Variants in MLC1 observed in about 807,000 individuals in gnomAD.
MLC1 encodes membrane protein MLC1.
Under a neutral mutation model 44.7 loss-of-function variants are expected in MLC1, and 32 were observed. The observed-to-expected ratio is 0.72, with a 90% CI of 0.54 to 0.96. The LOEUF (loss-of-function observed/expected upper bound fraction) is 0.96, where lower values mean the gene tolerates loss of function less well. MLC1 is among the 40% of genes least tolerant of loss of function. The pLI is 0.00. For missense variants in MLC1, 459 were observed against 492.2 expected, an observed-to-expected ratio of 0.93 and a Z score of 0.64; for synonymous variants, 190 against 213.0, an observed-to-expected ratio of 0.89 and a Z score of 0.94.
chr22:50,068,225 A>T lies in MLC1; in HGVS notation c.894+208T>A, dbSNP rs557037555. Among the ~76,000 whole-genome samples, 8 of 152,324 alleles carry T rather than the reference A, an allele frequency of 5.3e-5. No individual in the cohort carries two copies. In the East Asian group the frequency reaches 1.5e-3, roughly 29 times the overall value. ...CCTGTGAAGCAGGTGGTGGCCCCAGATACAGGGCGGAATCGAGGCCCCGAG... is the reference window on the plus strand; with the variant it reads ...CCTGTGAAGCAGGTGGTGGCCCCAGTTACAGGGCGGAATCGAGGCCCCGAG... On this transcript the variant is annotated intron_variant, in intron 10 of 11. Transcript: ENST00000311597.
intron 8 of MLC1, 115 bp from the exon 9 acceptor site, chr22:50,070,698 T>G: frequency 8.6e-7 from 1 of 1,168,136 alleles, no homozygotes; most frequent in South Asian, 1.3e-5. Context: ...TGGCTTGCTG[T>G]GGGGGGCAGG....
At chr22:50,073,383 G>A (rs944666748) in intron 8 of MLC1, among the ~76,000 whole-genome samples, 1 of 152,242 alleles carries the variant, frequency 6.6e-6, no homozygotes, top group Non-Finnish European at 1.5e-5. Flanking sequence ...GGAGGCAGGT[G>A]GGTGGTGGCT....
intron 11 of MLC1, among the ~76,000 whole-genome samples, chr22:50,062,533 G>T (rs2061593555): frequency 6.6e-6 from 1 of 152,262 alleles, no homozygotes; most frequent in Admixed American, 6.5e-5. Flanking sequence ...ACAGCAGTAG[G>T]GAGGGTGGAG....
intron 10 of MLC1, among the ~76,000 whole-genome samples, chr22:50,067,253 A>T (rs1421336417): frequency 6.6e-6 from 1 of 152,030 alleles, no homozygotes; most frequent in Non-Finnish European, 1.5e-5. Context: ...TGGGAGGCCG[A>T]GGACGCTATC....
At position 50,068,553 on chromosome 22, in the gene MLC1, C is replaced by T. The variant is rs1299673400; in HGVS notation, c.774G>A (p.Val258=). Residue 258 remains valine (V), a splice_region_variant and synonymous_variant, in exon 10 of 12, where the codon GTG becomes GTA. Transcript: ENST00000311597. ...GGCTGCTTATGGCAATCAGGACCTC[C>T]ACCTGGAAAAAAAGCGCGGGTTGCA... The part of the protein sequence containing the change: ...VAAECPSKCL[V]EVLIAISSLT... 5 of 1,612,208 alleles carry T rather than the reference C, an allele frequency of 3.1e-6. No homozygotes were observed. The highest frequency in any genetic ancestry group is 4.2e-6 in the Non-Finnish European group (5 of 1,179,000).
rs116623636 is a variant in MLC1 at position 50,062,046 on chromosome 22, G to A, written c.1060-389C>T. Among the ~76,000 whole-genome samples, 1,284 of 152,086 alleles carry A rather than the reference G, an allele frequency of 8.4e-3. 14 individuals carry two copies. Among genetic ancestry groups the A allele is most frequent in the African/African-American group, 0.03 (1,226 of 41,428 alleles). ...GCCTCCAGGCAAAAGGGAGGACAGC[G>A]CCAGCCCCAGCTGTCCACCCTGAGC... On this transcript the variant is annotated intron_variant, in intron 11 of 11. Transcript: ENST00000311597.
chr22:50,067,430 T>TCAGGCAGTGACTCCATCCCCC (rs2061729011), intron 10 of MLC1, among the ~76,000 whole-genome samples: 1 of 50,440 alleles, frequency 2.0e-5, no homozygotes, highest in Non-Finnish European at 3.7e-5. Context: ...CTCTATCCCC[T>TCAGGCAGTGACTCCATCCCCC]GTCAGGCAGT....
At chr22:50,071,754 C>T (rs1301788241) in intron 8 of MLC1, among the ~76,000 whole-genome samples, 1 of 152,228 alleles carries the variant, frequency 6.6e-6, no homozygotes, top group Non-Finnish European at 1.5e-5. Flanking sequence ...CCTTTTCCCA[C>T]TTATTGTGAG....
intron 5 of MLC1, among the ~76,000 whole-genome samples, chr22:50,078,100 T>C (rs2062028057): frequency 6.6e-6 from 1 of 151,692 alleles, no homozygotes. Flanking sequence ...CAAATGATTG[T>C]CCTGCCTCAG....
intron 5 of MLC1, among the ~76,000 whole-genome samples, chr22:50,079,125 A>T (rs1216201728): frequency 6.6e-6 from 1 of 151,980 alleles, no homozygotes; most frequent in African/African-American, 2.4e-5. Context: ...CTGTACTAAA[A>T]ATACAAAAAT....
chr22:50,065,353 T>C (rs1016187173), intron 10 of MLC1, among the ~76,000 whole-genome samples: 5 of 150,716 alleles, frequency 3.3e-5, no homozygotes, highest in Non-Finnish European at 7.4e-5. Flanking sequence ...GCAAAGCCTA[T>C]GCTTTCCTCA....
chr22:50,081,123 CAG>C (rs753555155), intron 3 of MLC1, among the ~76,000 whole-genome samples: 12 of 151,792 alleles, frequency 7.9e-5, no homozygotes, highest in Admixed American at 1.3e-4. Flanking sequence ...GCGGGTGGAT[CAG>C]AGTCAGGAGT....
chr22:50,080,339 C>A lies in MLC1; in HGVS notation c.321+5G>T. On this transcript the variant is annotated splice_donor_5th_base_variant and intron_variant, in intron 4 of 11. Transcript: ENST00000311597. Reference sequence around the variant, plus strand: ...TGGCAGAGGCTGCCTGCAAGCTAGACTCACCACATTGGCGTTCCTCCTGGA... The same window carrying A: ...TGGCAGAGGCTGCCTGCAAGCTAGAATCACCACATTGGCGTTCCTCCTGGA... 1 of 1,606,142 alleles carries A rather than the reference C, an allele frequency of 6.2e-7. No homozygotes were observed.
chr22:50,082,926 A>G (rs1466957733), intron 3 of MLC1, among the ~76,000 whole-genome samples, 158 bp downstream of exon 3: 3 of 152,138 alleles, frequency 2.0e-5, no homozygotes, highest in Non-Finnish European at 4.4e-5. Flanking sequence ...CCACCCCTCA[A>G]AGTGCTGGCA....
At chr22:50,082,627 G>A (rs1415127952) in intron 3 of MLC1, among the ~76,000 whole-genome samples, 1 of 152,196 alleles carries the variant, frequency 6.6e-6, no homozygotes, top group African/African-American at 2.4e-5. Flanking sequence ...TGAACTCTAC[G>A]TGAAACTAAA....
intron 9 of MLC1, among the ~76,000 whole-genome samples, chr22:50,068,871 C>T (rs1230342458): frequency 9.2e-5 from 14 of 151,946 alleles, no homozygotes; most frequent in East Asian, 3.9e-4. Flanking sequence ...GGATTACAGG[C>T]GCCCGCCACC....
chr22:50,074,198 G>T lies in MLC1; in HGVS notation c.714+18C>A, dbSNP rs1386613358. On this transcript the variant is annotated intron_variant, in intron 8 of 11. Transcript: ENST00000311597. ...TGTGGCCCAGAGCGGCGGCGGGCGG[G>T]CCAGAGGGGTTACTCACGGCCACTA... is the stretch of plus-strand genomic sequence containing the variant. 1 of 1,601,030 alleles carries T rather than the reference G, an allele frequency of 6.2e-7. No individual in the cohort carries two copies.
intron 5 of MLC1, among the ~76,000 whole-genome samples, chr22:50,078,507 G>A (rs2062037774): frequency 6.6e-6 from 1 of 151,704 alleles, no homozygotes; most frequent in Non-Finnish European, 1.5e-5. Flanking sequence ...GGGGGACCGA[G>A]GCGGTTGGAT....
Position 50,062,922 on chromosome 22 carries a change from G to A in MLC1, c.1059+1112C>T, listed in dbSNP as rs187101924. Among the ~76,000 whole-genome samples, 227 of 152,320 alleles carry A rather than the reference G, an allele frequency of 1.5e-3. 1 individual carries two copies. Among genetic ancestry groups the A allele is most frequent in the African/African-American group, 5.2e-3 (216 of 41,572 alleles). On this transcript the variant is annotated intron_variant, in intron 11 of 11. Coordinates refer to ENST00000311597, the MANE Select transcript of MLC1 (RefSeq NM_015166.4). ...AGCAAGACAGTAGGCAGGGCCCGGG[G>A]GAACATTGTTCAGGCAGTGACAGCC...
Sources: allele counts gnomAD v4.1 joint callset (sites outside exome capture counted in the v4.1 genomes callset), GRCh38; gene constraint gnomAD v4.1.1; transcripts MANE v1.5; gene names NCBI Gene and HGNC (gene_info 2026-07-23, HGNC 2026-07-21).